Variants in PCDH9 observed in about 807,000 individuals in gnomAD.
The protein encoded by PCDH9 is protocadherin-9.
PCDH9 carries 24 observed loss-of-function variants against 70.6 expected under a neutral mutation model. That is an observed-to-expected ratio of 0.34 (90% CI 0.25 to 0.48). PCDH9 has a LOEUF of 0.48. PCDH9 is among the 20% of genes least tolerant of loss of function. The pLI is 0.99. For missense variants in PCDH9, 1,281 were observed against 1,503.6 expected (o/e 0.85, Z 2.45); for synonymous variants, 562 against 558.5 (o/e 1.01, Z -0.09).
At chr13:66,955,385 A>C (rs2083251401) in intron 2 of PCDH9, among the ~76,000 whole-genome samples, 1 of 152,168 alleles carries the variant, frequency 6.6e-6, no homozygotes, top group African/African-American at 2.4e-5. Context: ...ACCTGTCCCC[A>C]AAAAATGATC....
At chr13:66,775,220 T>G (rs768428611) in intron 3 of PCDH9, among the ~76,000 whole-genome samples, 1 of 152,232 alleles carries the variant, frequency 6.6e-6, no homozygotes, top group Non-Finnish European at 1.5e-5. Flanking sequence ...TTAGGAAGCA[T>G]GTAGTAAAAT....
intron 2 of PCDH9, among the ~76,000 whole-genome samples, chr13:67,183,740 A>G (rs1457272159): frequency 6.6e-6 from 1 of 152,202 alleles, no homozygotes; most frequent in Non-Finnish European, 1.5e-5. Context: ...GAAAATTTGG[A>G]AAAACACTTT....
Position 66,329,615 on chromosome 13 carries a change from A to T in PCDH9, c.3341-24587T>A, listed in dbSNP as rs113826225. Among the ~76,000 whole-genome samples, 15 of 152,274 alleles carry T rather than the reference A, an allele frequency of 9.9e-5. 1 individual carries two copies. The highest frequency in any genetic ancestry group is 3.1e-4 in the African/African-American group (13 of 41,566). ...TCTCTAACATCTTTCCCTGTGGCTA[A>T]TACATGGAATGGGTTTTTAATAAAA... On this transcript the variant is annotated intron_variant, in intron 4 of 4. Coordinates refer to ENST00000377865, the MANE Select transcript of PCDH9 (RefSeq NM_203487.3).
chr13:67,048,745 C>T (rs1444605288), intron 2 of PCDH9, among the ~76,000 whole-genome samples: 1 of 152,206 alleles, frequency 6.6e-6, no homozygotes, highest in Non-Finnish European at 1.5e-5. Context: ...GGGCAGCTTA[C>T]AGACAGGGCC....
At chr13:66,711,704 A>G (rs2078796674) in intron 3 of PCDH9, among the ~76,000 whole-genome samples, 3 of 152,280 alleles carry the variant, frequency 2.0e-5, no homozygotes, top group African/African-American at 7.2e-5. Flanking sequence ...TCATTTTTTA[A>G]GACAAATTAC....
At chr13:67,076,335 GCTAT>G (rs2085877222) in intron 2 of PCDH9, among the ~76,000 whole-genome samples, 2 of 152,250 alleles carry the variant, frequency 1.3e-5, no homozygotes, top group East Asian at 3.9e-4. Context: ...TTTATGAGAA[GCTAT>G]CTATGTCTTT....
intron 3 of PCDH9, among the ~76,000 whole-genome samples, chr13:66,744,977 G>T (rs1007129703): frequency 6.6e-6 from 1 of 152,010 alleles, no homozygotes; most frequent in Non-Finnish European, 1.5e-5. Flanking sequence ...TATATGAAAT[G>T]AGCACGTAAT....
chr13:66,414,541 A>G (rs921031903), intron 4 of PCDH9, among the ~76,000 whole-genome samples: 1 of 152,244 alleles, frequency 6.6e-6, no homozygotes, highest in Non-Finnish European at 1.5e-5. Flanking sequence ...CTTTATGGAA[A>G]CATAAACATG....
intron 4 of PCDH9, among the ~76,000 whole-genome samples, chr13:66,585,212 G>A (rs1263257689): frequency 2.0e-5 from 3 of 152,124 alleles, no homozygotes; most frequent in Admixed American, 2.0e-4. Flanking sequence ...ATGCATATAT[G>A]CATTATTTTT....
chr13:66,706,301 T>C (rs11839494), intron 3 of PCDH9, among the ~76,000 whole-genome samples: 2,171 of 152,332 alleles, frequency 0.014, 67 homozygotes, highest in African/African-American at 0.05. Context: ...ATTCATAAAC[T>C]ATGTTTGCAA....
At chr13:66,751,326 G>T (rs1566169982) in intron 3 of PCDH9, among the ~76,000 whole-genome samples, 2 of 152,002 alleles carry the variant, frequency 1.3e-5, no homozygotes, top group African/African-American at 4.8e-5. Flanking sequence ...TTCTCTGGGA[G>T]AATTGAGCAA....
At chr13:66,889,240 C>T (rs1033804094) in intron 3 of PCDH9, among the ~76,000 whole-genome samples, 13 of 152,098 alleles carry the variant, frequency 8.5e-5, no homozygotes, top group African/African-American at 3.1e-4. Flanking sequence ...ACCTCTGATC[C>T]GAGGCCAAAG....
At chr13:66,355,090 G>C (rs929199893) in intron 4 of PCDH9, among the ~76,000 whole-genome samples, 2 of 152,028 alleles carry the variant, frequency 1.3e-5, no homozygotes, top group African/African-American at 4.8e-5. Flanking sequence ...TGAAGGTTAA[G>C]TTTTCCCAAT....
chr13:66,484,600 G>T (rs1478680112), intron 4 of PCDH9, among the ~76,000 whole-genome samples: 1 of 152,148 alleles, frequency 6.6e-6, no homozygotes, highest in African/African-American at 2.4e-5. Context: ...TCTTGCCATT[G>T]ATACTGAGAA....
chr13:66,744,821 C>T (rs2079333356), intron 3 of PCDH9, among the ~76,000 whole-genome samples: 1 of 152,134 alleles, frequency 6.6e-6, no homozygotes, highest in Non-Finnish European at 1.5e-5. Context: ...AATCTGACAT[C>T]TCAAATATAT....
chr13:66,800,302 C>T (rs1382537451), intron 3 of PCDH9, among the ~76,000 whole-genome samples: 2 of 152,024 alleles, frequency 1.3e-5, no homozygotes, highest in East Asian at 1.9e-4. Context: ...AGAATCACTC[C>T]TCATTTCATC....
At chr13:66,425,568 A>G (rs890321363) in intron 4 of PCDH9, among the ~76,000 whole-genome samples, 1 of 151,676 alleles carries the variant, frequency 6.6e-6, no homozygotes, top group East Asian at 1.9e-4. Context: ...CGAAAAAAAA[A>G]AAAATACCTT....
intron 4 of PCDH9, among the ~76,000 whole-genome samples, chr13:66,548,453 T>G (rs1961318664): frequency 6.6e-6 from 1 of 151,850 alleles, no homozygotes; most frequent in Non-Finnish European, 1.5e-5. Flanking sequence ...TAATCTCGGC[T>G]ACTAGGGAGG....
chr13:66,319,045 T>A (rs1193505295), intron 4 of PCDH9, among the ~76,000 whole-genome samples: 1 of 151,948 alleles, frequency 6.6e-6, no homozygotes, highest in African/African-American at 2.4e-5. Context: ...AGGAAAGAGG[T>A]TTAATTGACT....
Sources: allele counts gnomAD v4.1 joint callset (sites outside exome capture counted in the v4.1 genomes callset), GRCh38; gene constraint gnomAD v4.1.1; transcripts MANE v1.5; gene names NCBI Gene and HGNC (gene_info 2026-07-23, HGNC 2026-07-21).